Variants in PREX1 observed in about 807,000 individuals in gnomAD.
PREX1 encodes the protein phosphatidylinositol-3,4,5-trisphosphate dependent Rac exchange factor 1.
Under a neutral mutation model 198.3 loss-of-function variants are expected in PREX1, and 41 were observed. The observed-to-expected ratio is 0.21, with a 90% CI of 0.16 to 0.27. The LOEUF (loss-of-function observed/expected upper bound fraction) is 0.27, where lower values mean the gene tolerates loss of function less well. Among genes scored for constraint, PREX1 ranks in the 10% least tolerant of loss-of-function variants. PREX1 has a pLI of 1.00. For synonymous variants in PREX1, 843 were observed against 887.2 expected (o/e 0.95, Z 0.89); for missense variants, 1,620 against 2,200.7 (o/e 0.74, Z 5.28).
intron 9 of PREX1, 115 bp from the exon 10 acceptor site, chr20:48,688,919 C>T (rs2123039829): frequency 8.0e-7 from 1 of 1,250,880 alleles, no homozygotes; most frequent in East Asian, 2.4e-5. Context: ...CCTGCCCCAC[C>T]ACCTGCCCTC....
chr20:48,788,577 A>C (rs1300374281), intron 1 of PREX1, among the ~76,000 whole-genome samples: 1 of 152,142 alleles, frequency 6.6e-6, no homozygotes, highest in African/African-American at 2.4e-5. Context: ...ATCAAACTCT[A>C]CCTGAAGCTG....
At chr20:48,732,604 A>G (rs2090039200) in intron 4 of PREX1, among the ~76,000 whole-genome samples, 1 of 152,214 alleles carries the variant, frequency 6.6e-6, no homozygotes, top group Admixed American at 6.5e-5. Context: ...GGACCCCTAG[A>G]AAGTCACTTA....
At chr20:48,759,276 G>A (rs909169287) in intron 1 of PREX1, among the ~76,000 whole-genome samples, 2 of 152,052 alleles carry the variant, frequency 1.3e-5, no homozygotes, top group Non-Finnish European at 2.9e-5. Flanking sequence ...CAGGCCAGGC[G>A]CGGTAGCTCA....
At chr20:48,778,791 T>C (rs148559510) in intron 1 of PREX1, among the ~76,000 whole-genome samples, 16 of 152,162 alleles carry the variant, frequency 1.1e-4, no homozygotes, top group African/African-American at 3.6e-4. Context: ...TTTAAACCAA[T>C]GATCTTGGAA....
the PREX1 span, among the ~76,000 whole-genome samples, chr20:48,863,920 A>G: frequency 1.3e-5 from 2 of 152,114 alleles, no homozygotes; most frequent in Non-Finnish European, 2.9e-5. Context: ...CACATTTAAG[A>G]TTCTTCCATG....
intron 1 of PREX1, among the ~76,000 whole-genome samples, chr20:48,793,945 C>G (rs1272755562): frequency 2.0e-5 from 3 of 152,200 alleles, no homozygotes; most frequent in Non-Finnish European, 2.9e-5. Context: ...GCAAGTGGCT[C>G]AGTAGCCCAT....
chr20:48,639,991 C>T (rs542841879), intron 29 of PREX1, 97 bp from the exon 30 acceptor site: 7 of 1,456,880 alleles, frequency 4.8e-6, no homozygotes, highest in South Asian at 3.8e-5. Context: ...GATCCCAGAG[C>T]TCATAATCCT....
At chr20:48,658,005 G>A (rs2089558521) in intron 17 of PREX1, 131 bp downstream of exon 17, 1 of 905,276 alleles carries the variant, frequency 1.1e-6, no homozygotes, top group Non-Finnish European at 1.7e-6. Flanking sequence ...TTCTCCACGT[G>A]AGCAATGAGA....
chr20:48,720,905 G>C (rs1207813260), intron 5 of PREX1, among the ~76,000 whole-genome samples: 3 of 152,142 alleles, frequency 2.0e-5, no homozygotes, highest in Non-Finnish European at 4.4e-5. Flanking sequence ...AGGTGCAGGA[G>C]ACACCAGCGG....
chr20:48,708,498 C>G, intron 5 of PREX1, 77 bp from the exon 6 acceptor site: 3 of 1,489,370 alleles, frequency 2.0e-6, no homozygotes, highest in Non-Finnish European at 2.7e-6. Context: ...GAGCTGAACC[C>G]AAGAAAACAG....
At chr20:48,805,915 T>C (rs1315966296) in intron 1 of PREX1, among the ~76,000 whole-genome samples, 2 of 152,184 alleles carry the variant, frequency 1.3e-5, no homozygotes, top group Admixed American at 6.5e-5. Flanking sequence ...AACACTTCCA[T>C]CATCACTGCC....
chr20:48,680,879 G>C (rs555886365), intron 11 of PREX1, among the ~76,000 whole-genome samples: 174 of 132,452 alleles, frequency 1.3e-3, no homozygotes, highest in Admixed American at 3.2e-3. Context: ...GCTCCATGAC[G>C]ACAGGCACGT....
chr20:48,690,804 C>G, intron 9 of PREX1, 143 bp downstream of exon 9: 1 of 1,197,636 alleles, frequency 8.3e-7, no homozygotes, highest in Non-Finnish European at 1.2e-6. Flanking sequence ...CCCAGAGCTC[C>G]CTGTCCCTTC....
In PREX1 at chr20:48,820,519, C is replaced by T. The variant is rs1308514069; in HGVS notation, c.219+7123G>A. Among the ~76,000 whole-genome samples, 4 of 152,340 alleles carry T rather than the reference C, an allele frequency of 2.6e-5. No individual in the cohort carries two copies. The East Asian group carries it at 5.8e-4, about 22-fold the overall frequency. Reference sequence around the variant, plus strand: ...GGTGAAAAGGGCAAACCGTATTATGCTACTTACATAAACACATCAATCTCA... The same window carrying T: ...GGTGAAAAGGGCAAACCGTATTATGTTACTTACATAAACACATCAATCTCA... On this transcript the variant is annotated intron_variant, in intron 1 of 39. Transcript: ENST00000371941.
At chr20:48,800,983 T>A (rs1601143707) in intron 1 of PREX1, among the ~76,000 whole-genome samples, 1 of 152,184 alleles carries the variant, frequency 6.6e-6, no homozygotes. Flanking sequence ...ATGGGATTTC[T>A]AAAGATATGT....
At chr20:48,813,985 G>A (rs1346756532) in intron 1 of PREX1, among the ~76,000 whole-genome samples, 1 of 152,188 alleles carries the variant, frequency 6.6e-6, no homozygotes, top group African/African-American at 2.4e-5. Context: ...ACAGCTTGGT[G>A]GGCCACTGGC....
chr20:48,832,498 C>A (rs1030823769), upstream of PREX1, among the ~76,000 whole-genome samples: 17 of 152,174 alleles, frequency 1.1e-4, no homozygotes, highest in African/African-American at 3.9e-4. Context: ...GCCATCATTT[C>A]CCAAATGCAA....
chr20:48,888,093 G>C, the PREX1 span, among the ~76,000 whole-genome samples: 635 of 152,318 alleles, frequency 4.2e-3, 4 homozygotes, highest in African/African-American at 0.015. Flanking sequence ...GGTTTAATTG[G>C]ACTTACAGTT....
At chr20:48,730,423 A>C (rs958935751) in intron 4 of PREX1, among the ~76,000 whole-genome samples, 29 of 150,594 alleles carry the variant, frequency 1.9e-4, no homozygotes, top group African/African-American at 6.1e-4. Context: ...CCACACACAC[A>C]CACACACACA....
Sources: allele counts gnomAD v4.1 joint callset (sites outside exome capture counted in the v4.1 genomes callset), GRCh38; gene constraint gnomAD v4.1.1; transcripts MANE v1.5; gene names NCBI Gene and HGNC (gene_info 2026-07-23, HGNC 2026-07-21).